CLASP1: variants seen among roughly 807,000 people sequenced by gnomAD.
CLASP1 encodes CLIP-associating protein 1.
In CLASP1, 38 loss-of-function variants were observed where a neutral mutation model predicts 192.3. That is an observed-to-expected ratio of 0.20 (90% CI 0.15 to 0.26). CLASP1 has a LOEUF of 0.26. CLASP1 is among the 10% of genes least tolerant of loss of function. The pLI, the probability that CLASP1 is intolerant of heterozygous loss-of-function variation, is 1.00. For missense variants in CLASP1, 1,433 were observed against 1,932.5 expected (o/e 0.74, Z 4.85); for synonymous variants, 691 against 712.8 (o/e 0.97, Z 0.49).
intron 26 of CLASP1, chr2:121,403,507 G>A (rs147204171): frequency 8.8e-5 from 40 of 456,746 alleles, no homozygotes; most frequent in Non-Finnish European, 1.5e-4. Context: ...AGACTTGGAG[G>A]AGCCCATCTT....
At chr2:121,411,047 TC>T (rs1574474217) in intron 23 of CLASP1, 78 bp from the exon 25 acceptor site, 1 of 855,478 alleles carries the variant, frequency 1.2e-6, no homozygotes, top group African/African-American at 1.7e-5. Flanking sequence ...TACTGCCTCT[TC>T]CCACCAAGTA....
At chr2:121,526,041 C>G in intron 5 of CLASP1, 121 bp from the exon 6 acceptor site, 1 of 693,850 alleles carries the variant, frequency 1.4e-6, no homozygotes, top group Non-Finnish European at 2.6e-6. Flanking sequence ...CATACCAAGT[C>G]TCTCTCCATC....
chr2:121,518,045 C>T (rs756607229), intron 6 of CLASP1, among the ~76,000 whole-genome samples: 52 of 150,226 alleles, frequency 3.5e-4, no homozygotes, highest in Middle Eastern at 3.4e-3. Flanking sequence ...GCCTGGCAAA[C>T]ATGGTGAAAC....
At chr2:121,555,127 G>A (rs1445594872) in intron 2 of CLASP1, among the ~76,000 whole-genome samples, 1 of 152,192 alleles carries the variant, frequency 6.6e-6, no homozygotes, top group Admixed American at 6.5e-5. Context: ...ACTCCCTGGA[G>A]AGCTCACGCT....
chr2:121,401,803 T>C, intron 27 of CLASP1, 65 bp downstream of exon 28: 1 of 807,578 alleles, frequency 1.2e-6, no homozygotes, highest in South Asian at 1.4e-5. Context: ...TGTTAACAAC[T>C]GTTCATAGTA....
intron 2 of CLASP1, among the ~76,000 whole-genome samples, chr2:121,558,599 G>A (rs939705052): frequency 3.3e-5 from 5 of 152,222 alleles, no homozygotes; most frequent in Non-Finnish European, 5.9e-5. Flanking sequence ...GTAATAACCC[G>A]CACCACCTCG....
intron 37 of CLASP1, among the ~76,000 whole-genome samples, chr2:121,354,124 G>A (rs1278008976): frequency 6.6e-6 from 1 of 152,098 alleles, no homozygotes; most frequent in African/African-American, 2.4e-5. Flanking sequence ...GTCACATCTG[G>A]AGCATGCCAC....
In CLASP1 at chr2:121,451,009, A is replaced by G. The variant is rs779651691; in HGVS notation, c.1446-19T>C. 1 of 1,453,646 alleles carries G rather than the reference A, an allele frequency of 6.9e-7. No homozygotes were observed. Among genetic ancestry groups the G allele is most frequent in the Non-Finnish European group, 9.6e-7 (1 of 1,040,972 alleles). 90.0% of individuals were successfully genotyped at this position (1,453,646 alleles called of 1,614,324 possible). ...TATGTGTCTAGATATTTAGAAAAGAAAGCAGTAACAATCATAAATGTATGG... is the reference window on the plus strand; with the variant it reads ...TATGTGTCTAGATATTTAGAAAAGAGAGCAGTAACAATCATAAATGTATGG... On this transcript the variant is annotated intron_variant, in intron 15 of 39. Transcript: ENST00000263710.
exon 18 of CLASP1, chr2:121,448,281 G>T: frequency 6.2e-7 from 1 of 1,613,442 alleles, no homozygotes; most frequent in Non-Finnish European, 8.5e-7. Context: ...CTCACCTCTA[G>T]ATGTGGTACT....
chr2:121,463,096 G>A (rs774966352), intron 9 of CLASP1, among the ~76,000 whole-genome samples: 132 of 152,046 alleles, frequency 8.7e-4, no homozygotes, highest in Non-Finnish European at 1.4e-3. Flanking sequence ...CATGATAACT[G>A]TCATTTTTTT....
At chr2:121,371,120 T>C (rs756921898) in intron 34 of CLASP1, among the ~76,000 whole-genome samples, 1 of 152,238 alleles carries the variant, frequency 6.6e-6, no homozygotes, top group South Asian at 2.1e-4. Context: ...ATACACCCTA[T>C]AGTGTTAACA....
chr2:121,490,377 C>A, intron 8 of CLASP1: 1 of 432,620 alleles, frequency 2.3e-6, no homozygotes, highest in Non-Finnish European at 4.6e-6. Flanking sequence ...AACTCTCCAC[C>A]CACACTTGTT....
chr2:121,357,918 C>T (rs12615868), intron 37 of CLASP1, among the ~76,000 whole-genome samples: 20,038 of 152,208 alleles, frequency 0.13, 1,754 homozygotes, highest in African/African-American at 0.24. Context: ...TTCAGCCCAT[C>T]TCAGGTTCTA....
intron 39 of CLASP1, 109 bp from the exon 41 acceptor site, chr2:121,341,056 C>T: frequency 1.4e-6 from 1 of 732,030 alleles, no homozygotes; most frequent in Non-Finnish European, 2.4e-6. Context: ...TCCCTTAGTT[C>T]CCTTGGTTGA....
At chr2:121,457,853 C>CAT in intron 13 of CLASP1, 96 bp from the exon 14 acceptor site, 1 of 744,078 alleles carries the variant, frequency 1.3e-6, no homozygotes. Context: ...ACTTATAGCA[C>CAT]ATATATATTC....
chr2:121,403,628 T>C, intron 26 of CLASP1: 1 of 430,006 alleles, frequency 2.3e-6, no homozygotes, highest in Non-Finnish European at 4.7e-6. Flanking sequence ...AAGCATCTAA[T>C]AGTCTCTAAG....
At chr2:121,489,573 T>C (rs1478198311) in intron 8 of CLASP1, among the ~76,000 whole-genome samples, 2 of 152,256 alleles carry the variant, frequency 1.3e-5, no homozygotes, top group Non-Finnish European at 2.9e-5. Context: ...AAGACAGTGA[T>C]ACAGGTTGTT....
chr2:121,403,355 T>C (rs1270912603), intron 26 of CLASP1: 1 of 455,472 alleles, frequency 2.2e-6, no homozygotes, highest in African/African-American at 2.0e-5. Flanking sequence ...AAATGTTAAA[T>C]GACTGGGTGA....
chr2:121,556,582 C>G (rs1211485940), intron 2 of CLASP1, among the ~76,000 whole-genome samples: 1 of 152,192 alleles, frequency 6.6e-6, no homozygotes, highest in African/African-American at 2.4e-5. Flanking sequence ...TCCTTCAAGT[C>G]TTTGTTCAAA....
Sources: gnomAD v4.1 joint callset for allele counts (sites outside exome capture counted in the v4.1 genomes callset) on GRCh38, gnomAD v4.1.1 for gene constraint, MANE v1.5 for transcripts, NCBI Gene and HGNC (gene_info 2026-07-23, HGNC 2026-07-21) for gene names.